Variants in DHX38 observed in about 807,000 individuals in gnomAD.
DHX38 encodes the protein DEAH-box helicase 38, also known as pre-mRNA-splicing factor ATP-dependent RNA helicase PRP16.
Under a neutral mutation model 153.1 loss-of-function variants are expected in DHX38, and 100 were observed. That is an observed-to-expected ratio of 0.65 (90% CI 0.56 to 0.77). The LOEUF (loss-of-function observed/expected upper bound fraction) is 0.77. Among genes scored for constraint, DHX38 ranks in the 30% least tolerant of loss-of-function variants. The pLI is 0.00. For missense variants in DHX38, 1,440 were observed against 1,654.0 expected (o/e 0.87, Z 2.24); for synonymous variants, 650 against 631.7 (o/e 1.03, Z -0.43).
At chr16:72,109,355 C>T in intron 24 of DHX38, 60 bp from the exon 25 acceptor site, 1 of 1,570,342 alleles carries the variant, frequency 6.4e-7, no homozygotes, top group Non-Finnish European at 8.7e-7. Context: ...ATTGTGGAAC[C>T]ACTCTGGGAG....
At position 72,112,533 on chromosome 16, in the gene DHX38, T is replaced by C. The variant is rs1453996917; in HGVS notation, c.*36T>C. 6 of 1,608,052 alleles carry C rather than the reference T, an allele frequency of 3.7e-6. No individual in the cohort carries two copies. Among genetic ancestry groups the C allele is most frequent in the African/African-American group, 1.3e-5 (1 of 75,030 alleles). ...TCCCCAGAGAGGATGGCAGCAGGTA[T>C]TGGGTCCTCAGCCTTCTGGCGGGAG... On this transcript the variant is annotated 3_prime_UTR_variant, in exon 27 of 27. Coordinates refer to ENST00000268482, the MANE Select transcript of DHX38 (RefSeq NM_014003.4).
At chr16:72,101,273 C>T (rs891001845) in intron 10 of DHX38, 80 bp downstream of exon 10, 2 of 1,499,846 alleles carry the variant, frequency 1.3e-6, no homozygotes, top group African/African-American at 2.8e-5. Context: ...TTACTAGGCC[C>T]ACAGATAGAA....
At chr16:72,097,049 C>T (rs748514865) in intron 3 of DHX38, 40 bp downstream of exon 3, 6 of 1,549,588 alleles carry the variant, frequency 3.9e-6, no homozygotes, top group East Asian at 4.6e-5. Flanking sequence ...CATTAGCATT[C>T]GAATAAATGT....
Position 72,096,865 on chromosome 16 carries a change from G to T in DHX38, c.367G>T (p.Gly123Cys), listed in dbSNP as rs748059500. 6.2e-7 allele frequency: 1 copy of T among 1,613,972 alleles called. No homozygotes were observed. Among genetic ancestry groups the T allele is most frequent in the Non-Finnish European group, 8.5e-7 (1 of 1,179,928 alleles). The change falls in exon 3 of 27, where the codon GGT becomes TGT. Residue 123 changes from glycine (G) to cysteine (C), a missense_variant. Gly to Cys is a radical substitution (Grantham distance 159). Around this residue, in one of 6 missense-constraint regions of DHX38, gnomAD observed 483 missense variants for 465.1 expected, o/e 1.04. Coordinates refer to ENST00000268482, the MANE Select transcript of DHX38 (RefSeq NM_014003.4). ...ARVETPSHPG[G>C]VSEEFWERSR... Reference sequence around the variant, plus strand: ...GGTAGAGACTCCATCCCATCCGGGTGGTGTGAGCGAAGAGTTTTGGGAACG... The same window carrying T: ...GGTAGAGACTCCATCCCATCCGGGTTGTGTGAGCGAAGAGTTTTGGGAACG...
chr16:72,110,206 A>G (rs142548004), intron 25 of DHX38, among the ~76,000 whole-genome samples: 1 of 152,356 alleles, frequency 6.6e-6, no homozygotes, highest in African/African-American at 2.4e-5. Flanking sequence ...CGAATAGTCC[A>G]TATGATGTAT....
Position 72,101,158 on chromosome 16 carries a change from G to T in DHX38, c.1351G>T (p.Val451Leu), listed in dbSNP as rs1212600704. 6.2e-7 allele frequency: 1 copy of T among 1,614,296 alleles called. No individual in the cohort carries two copies. Among genetic ancestry groups the T allele is most frequent in the African/African-American group, 1.3e-5 (1 of 75,086 alleles). ...CATTGCTCGGAAAGGCAGCCAGACA[G>T]TGCGGAAGCACAGGGAGCAGAAGGA... ...AIIARKGSQT[V>L]RKHREQKERK... The change falls in exon 10 of 27, where the codon GTG becomes TTG. Residue 451 changes from valine (V) to leucine (L), a missense_variant. Around this residue, in one of 6 missense-constraint regions of DHX38, gnomAD observed 241 missense variants for 229.5 expected, o/e 1.05. Coordinates refer to ENST00000268482, the MANE Select transcript of DHX38 (RefSeq NM_014003.4).
intron 26 of DHX38, among the ~76,000 whole-genome samples, 190 bp downstream of exon 26, chr16:72,111,267 C>T (rs141307056): frequency 6.6e-6 from 1 of 152,336 alleles, no homozygotes; most frequent in African/African-American, 2.4e-5. Context: ...TTTAAAGGAG[C>T]GACAGTACAC....
chr16:72,101,496 T>A lies in DHX38; in HGVS notation c.1387-4T>A, dbSNP rs1173266985. The A allele has an allele frequency of 4.5e-6, 7 of 1,551,698 alleles. No homozygotes were observed. The Admixed American group carries it at 7.8e-5, about 17-fold the overall frequency. ...TGGAGCAGACTGACCTTTTTCCTTT[T>A]CAGGCTCAGCACAAACACTGGGAAC... On this transcript the variant is annotated splice_region_variant and splice_polypyrimidine_tract_variant and intron_variant, in intron 10 of 26. Coordinates refer to ENST00000268482, the MANE Select transcript of DHX38 (RefSeq NM_014003.4).
intron 23 of DHX38, 95 bp downstream of exon 23, chr16:72,108,702 T>C: frequency 6.3e-7 from 1 of 1,587,354 alleles, no homozygotes; most frequent in South Asian, 1.1e-5. Flanking sequence ...AGATCTGGGC[T>C]TCCGCCAAAG....
Position 72,105,308 on chromosome 16 carries a change from C to T in DHX38, c.2339C>T (p.Ser780Phe), listed in dbSNP as rs1421044461. 6.2e-7 allele frequency: 1 copy of T among 1,614,208 alleles called. No individual in the cohort carries two copies. The highest frequency in any genetic ancestry group is 8.5e-7 in the Non-Finnish European group (1 of 1,180,036). ...GCCCTGGCTGTGCTGCCCATCTACT[C>T]TCAGCTGCCTTCTGACCTCCAGGCC... ...APALAVLPIYSQLPSDLQAKI... is the reference protein window; with the variant it reads ...APALAVLPIYFQLPSDLQAKI... Residue 780 changes from serine (S) to phenylalanine (F), a missense_variant, in exon 17 of 27, where the codon TCT becomes TTT. Coordinates refer to ENST00000268482, the MANE Select transcript of DHX38 (RefSeq NM_014003.4).
chr16:72,095,606 A>G (rs932833142), intron 1 of DHX38, among the ~76,000 whole-genome samples: 1 of 152,198 alleles, frequency 6.6e-6, no homozygotes, highest in Admixed American at 6.5e-5. Context: ...TTTCACATAC[A>G]CTTTTTGTTT....
intron 25 of DHX38, 21 bp downstream of exon 25, chr16:72,109,531 G>C: frequency 6.3e-7 from 1 of 1,599,352 alleles, no homozygotes; most frequent in Non-Finnish European, 8.5e-7. Context: ...TGTGCTCTTC[G>C]CAGGGGTGCT....
chr16:72,111,174 T>A, intron 26 of DHX38, 97 bp downstream of exon 26: 1 of 1,432,400 alleles, frequency 7.0e-7, no homozygotes, highest in Non-Finnish European at 9.2e-7. Flanking sequence ...TATGGGAAGG[T>A]GCATGTGTGA....
In DHX38 at chr16:72,098,639, G is replaced by T; in HGVS notation, c.617-6G>T. 6.2e-7 allele frequency: 1 copy of T among 1,613,622 alleles called. No individual in the cohort carries two copies. Among genetic ancestry groups the T allele is most frequent in the Non-Finnish European group, 8.5e-7 (1 of 1,179,604 alleles). ...GTTTCCTGTGGATGTGTCTTTTGTG[G>T]CCCAGATGCAGCCACCCCTTCAAGG... On this transcript the variant is annotated splice_polypyrimidine_tract_variant and splice_region_variant and intron_variant, in intron 4 of 26. Transcript: ENST00000268482.
chr16:72,099,285 A>C lies in DHX38; in HGVS notation c.960+5A>C. On this transcript the variant is annotated splice_donor_5th_base_variant and intron_variant, in intron 7 of 26. Coordinates refer to ENST00000268482, the MANE Select transcript of DHX38 (RefSeq NM_014003.4). ...CAGTGGGAAGATGACCAGAGGGTAA[A>C]GTTTTATACCTCTGAGGGGCTGATC... 6.2e-7 allele frequency: 1 copy of C among 1,607,208 alleles called. No individual in the cohort carries two copies.
In DHX38 at chr16:72,108,400, C is replaced by T. The variant is rs1049160432; in HGVS notation, c.3120+18C>T. Reference sequence around the variant, plus strand: ...TGCGGAAGGTAGAGTGGTGGATGAGCAGGATGTTGGGATGAGGGGAGGGTC... The same window carrying T: ...TGCGGAAGGTAGAGTGGTGGATGAGTAGGATGTTGGGATGAGGGGAGGGTC... On this transcript the variant is annotated intron_variant, in intron 22 of 26. Coordinates refer to ENST00000268482, the MANE Select transcript of DHX38 (RefSeq NM_014003.4). 6.2e-7 allele frequency: 1 copy of T among 1,613,890 alleles called. No individual in the cohort carries two copies. Among genetic ancestry groups the T allele is most frequent in the East Asian group, 2.2e-5 (1 of 44,868 alleles).
chr16:72,101,170 A>G lies in DHX38; in HGVS notation c.1363A>G (p.Arg455Gly), dbSNP rs1457069357. 6.2e-7 allele frequency: 1 copy of G among 1,614,152 alleles called. No homozygotes were observed. The highest frequency in any genetic ancestry group is 8.5e-7 in the Non-Finnish European group (1 of 1,180,046). Residue 455 changes from arginine (R) to glycine (G), a missense_variant, in exon 10 of 27, where the codon AGG (arginine) becomes GGG (glycine). By Grantham distance (125) the Arg-to-Gly change is moderately radical. Coordinates refer to ENST00000268482, the MANE Select transcript of DHX38 (RefSeq NM_014003.4). ...AGGCAGCCAGACAGTGCGGAAGCAC[A>G]GGGAGCAGAAGGAGCGCAAGAAGGT... ...RKGSQTVRKHREQKERKKAQH... is the reference protein window; with the variant it reads ...RKGSQTVRKHGEQKERKKAQH...
At position 72,109,588 on chromosome 16, in the gene DHX38, G is replaced by T. The variant is rs115412419; in HGVS notation, c.3477+78G>T. 1,770 of 1,369,588 alleles carry T rather than the reference G, an allele frequency of 1.3e-3. 20 individuals carry two copies. The African/African-American group carries it at 0.022, about 17-fold the overall frequency. 84.8% of individuals were successfully genotyped at this position (1,369,588 alleles called of 1,614,324 possible). ...TCCCTCCGCTTGGTATTGAAGACTT[G>T]CGGTCATCCAACCCACTTACTTCTC... On this transcript the variant is annotated intron_variant, in intron 25 of 26. Transcript: ENST00000268482.
chr16:72,111,029 G>C lies in DHX38; in HGVS notation c.3551G>C (p.Arg1184Pro). Reference protein sequence around the residue: ...EEMALAEEQLRARRQEQEKRS... With the variant: ...EEMALAEEQLPARRQEQEKRS... ...ATGGCGCTGGCCGAGGAGCAGCTGC[G>C]AGCCCGGCGGCAGGAGCAGGAGAAG... The change falls in exon 26 of 27, where the codon CGA becomes CCA. Residue 1184 changes from arginine to proline, a missense_variant. Physicochemically the swap from Arg to Pro is moderately radical, Grantham distance 103. Transcript: ENST00000268482. The C allele has an allele frequency of 1.3e-6, 2 of 1,581,030 alleles. No homozygotes were observed. Among genetic ancestry groups the C allele is most frequent in the Non-Finnish European group, 1.7e-6 (2 of 1,163,540 alleles).
Sources: allele counts gnomAD v4.1 joint callset (sites outside exome capture counted in the v4.1 genomes callset), GRCh38; gene constraint gnomAD v4.1.1; regional missense constraint gnomAD v4.1.1; transcripts MANE v1.5; gene names NCBI Gene and HGNC (gene_info 2026-07-23, HGNC 2026-07-21).